The following ARHGAP21 variants were observed in gnomAD, a reference collection of about 807,000 sequenced individuals.
ARHGAP21 encodes Rho GTPase activating protein 21, also known as rho GTPase-activating protein 21.
In ARHGAP21, 38 loss-of-function variants were observed where a neutral mutation model predicts 164.6. That is an observed-to-expected ratio of 0.23 (90% CI 0.18 to 0.30). The LOEUF (loss-of-function observed/expected upper bound fraction) is 0.30, where lower values mean the gene tolerates loss of function less well. Ranked by LOEUF, ARHGAP21 falls within the 10% of genes least tolerant of loss-of-function variation. The pLI is 1.00. For missense variants in ARHGAP21, 1,822 were observed against 2,370.7 expected (o/e 0.77, Z 4.81); for synonymous variants, 766 against 857.9 (o/e 0.89, Z 1.87).
intron 2 of ARHGAP21, among the ~76,000 whole-genome samples, chr10:24,703,471 G>T (rs971597173): frequency 2.6e-5 from 4 of 152,124 alleles, no homozygotes; most frequent in African/African-American, 9.7e-5. Context: ...GAGAAGGCAA[G>T]TAACACTCAA....
At chr10:24,593,164 T>C (rs541056282) in intron 21 of ARHGAP21, among the ~76,000 whole-genome samples, 61 of 152,324 alleles carry the variant, frequency 4.0e-4, no homozygotes, top group Admixed American at 3.9e-3. Context: ...ACATGTTAAC[T>C]AGTAGTGTAG....
chr10:24,673,758 A>G (rs989598727), intron 2 of ARHGAP21, among the ~76,000 whole-genome samples: 15 of 152,134 alleles, frequency 9.9e-5, no homozygotes, highest in Admixed American at 9.2e-4. Flanking sequence ...ACTACTTGAG[A>G]GGCTAAGGCA....
chr10:24,702,747 C>T (rs902824794), intron 2 of ARHGAP21, among the ~76,000 whole-genome samples: 3 of 152,008 alleles, frequency 2.0e-5, no homozygotes, highest in African/African-American at 7.2e-5. Context: ...CTACTATACT[C>T]AGCTAATTGT....
chr10:24,687,158 C>T (rs1359098058), intron 2 of ARHGAP21, among the ~76,000 whole-genome samples: 1 of 151,894 alleles, frequency 6.6e-6, no homozygotes, highest in African/African-American at 2.4e-5. Context: ...TGATGGAGAC[C>T]CTGTCTCAAA....
At chr10:24,628,774 T>C (rs867891253) in intron 7 of ARHGAP21, among the ~76,000 whole-genome samples, 67 of 134,404 alleles carry the variant, frequency 5.0e-4, no homozygotes, top group African/African-American at 1.7e-3. Flanking sequence ...TGTGTGTGCA[T>C]ATATATATAC....
chr10:24,666,834 TA>T, intron 4 of ARHGAP21, 150 bp downstream of exon 4: 2 of 506,456 alleles, frequency 3.9e-6, no homozygotes, highest in Non-Finnish European at 6.9e-6. Context: ...AAGTCCACAG[TA>T]AAAAACATTT....
At chr10:24,700,954 T>A (rs192538059) in intron 2 of ARHGAP21, among the ~76,000 whole-genome samples, 35 of 151,980 alleles carry the variant, frequency 2.3e-4, no homozygotes, top group Admixed American at 1.9e-3. Context: ...TGCTGGTCAG[T>A]TCATAGACCA....
chr10:24,667,028 A>G lies in ARHGAP21; in HGVS notation c.244-19T>C. 3.2e-6 allele frequency: 4 copies of G among 1,246,498 alleles called. No individual in the cohort carries two copies. The highest frequency in any genetic ancestry group is 4.5e-6 in the Non-Finnish European group (4 of 884,666). 77.2% of individuals were successfully genotyped at this position (1,246,498 alleles called of 1,614,324 possible). A position where few individuals can be genotyped will look rare whatever the true frequency, so the allele number is the denominator to read the frequency against. Reference sequence around the variant, plus strand: ...CTTCATCCTACAAATGAAAATATATATATACATATATGAGTACATATTTAT... The same window carrying G: ...CTTCATCCTACAAATGAAAATATATGTATACATATATGAGTACATATTTAT... On this transcript the variant is annotated intron_variant, in intron 3 of 25. Transcript: ENST00000396432.
intron 7 of ARHGAP21, chr10:24,629,682 T>G (rs535592452): frequency 6.4e-6 from 2 of 314,538 alleles, no homozygotes; most frequent in Admixed American, 4.9e-5. Context: ...GCACTTGCAC[T>G]CTAAACTCTT....
intron 25 of ARHGAP21, 24 bp downstream of exon 25, chr10:24,589,247 T>A (rs753963932): frequency 1.3e-6 from 2 of 1,589,004 alleles, no homozygotes; most frequent in African/African-American, 1.3e-5. Context: ...CCTAAAATAT[T>A]TCAAATTGTA....
At chr10:24,687,262 T>C (rs1842300782) in intron 2 of ARHGAP21, among the ~76,000 whole-genome samples, 1 of 152,216 alleles carries the variant, frequency 6.6e-6, no homozygotes, top group Non-Finnish European at 1.5e-5. Context: ...TTCATACATC[T>C]ATCTCTTTAA....
At chr10:24,702,127 C>T (rs112942816) in intron 2 of ARHGAP21, among the ~76,000 whole-genome samples, 165 of 104,538 alleles carry the variant, frequency 1.6e-3, no homozygotes, top group South Asian at 5.6e-3. Flanking sequence ...ACTTCCGGTT[C>T]TTTTTTTTTT....
chr10:24,700,538 T>A (rs1319477612), intron 2 of ARHGAP21, among the ~76,000 whole-genome samples: 1 of 152,228 alleles, frequency 6.6e-6, no homozygotes, highest in East Asian at 1.9e-4. Context: ...TCCATTTATG[T>A]TAACAATGAA....
At chr10:24,636,460 G>T (rs1028234598) in intron 4 of ARHGAP21, among the ~76,000 whole-genome samples, 1 of 152,162 alleles carries the variant, frequency 6.6e-6, no homozygotes, top group Non-Finnish European at 1.5e-5. Context: ...ACACAGTCCT[G>T]ACCCTTAAAG....
intron 14 of ARHGAP21, among the ~76,000 whole-genome samples, chr10:24,600,087 C>T (rs1005437518): frequency 2.8e-5 from 4 of 143,744 alleles, no homozygotes; most frequent in South Asian, 2.2e-4. Flanking sequence ...GAGCCAAGAT[C>T]GCGCCACTGC....
Position 24,585,669 on chromosome 10 carries a change from T to C in ARHGAP21, c.4620A>G (p.Glu1540=). ...SLLAQKSSHL[E]ETGSDSGTLL... is the part of the protein sequence containing the mutation. Reference sequence around the variant, plus strand: ...AAGTGCCAGAGTCAGAGCCTGTCTCTTCAAGGTGGGAGGACTTCTGTGCCA... The same window carrying C: ...AAGTGCCAGAGTCAGAGCCTGTCTCCTCAAGGTGGGAGGACTTCTGTGCCA... Residue 1540 remains glutamate, a synonymous_variant, in exon 26 of 26, where the codon GAA becomes GAG. Coordinates refer to ENST00000396432, the MANE Select transcript of ARHGAP21 (RefSeq NM_020824.4). 6.2e-7 allele frequency: 1 copy of C among 1,614,168 alleles called. No homozygotes were observed. The highest frequency in any genetic ancestry group is 1.1e-5 in the South Asian group (1 of 91,078).
intron 4 of ARHGAP21, among the ~76,000 whole-genome samples, chr10:24,665,623 A>G (rs1840114052): frequency 6.6e-6 from 1 of 152,250 alleles, no homozygotes; most frequent in Non-Finnish European, 1.5e-5. Flanking sequence ...AAGGAGCACA[A>G]GGGAACTTTA....
At chr10:24,628,894 C>T (rs1369198570) in intron 7 of ARHGAP21, 2 of 87,014 alleles carry the variant, frequency 2.3e-5, no homozygotes, top group Non-Finnish European at 4.5e-5. Context: ...CATATATATA[C>T]ATACATATAT....
intron 2 of ARHGAP21, among the ~76,000 whole-genome samples, chr10:24,710,450 CTA>C (rs1414681085): frequency 2.0e-5 from 3 of 152,134 alleles, no homozygotes; most frequent in Non-Finnish European, 4.4e-5. Context: ...GGTCAGCCTG[CTA>C]TATGTTTTCA....
Sources: allele counts gnomAD v4.1 joint callset (sites outside exome capture counted in the v4.1 genomes callset), GRCh38; gene constraint gnomAD v4.1.1; transcripts MANE v1.5; gene names NCBI Gene and HGNC (gene_info 2026-07-23, HGNC 2026-07-21).